The following ARHGAP25 variants were observed in gnomAD, a reference collection of about 807,000 sequenced individuals.
The protein encoded by ARHGAP25 is Rho GTPase activating protein 25.
ARHGAP25 carries 34 observed loss-of-function variants against 71.0 expected under a neutral mutation model. The observed-to-expected ratio is 0.48, with a 90% CI of 0.36 to 0.64. The LOEUF (loss-of-function observed/expected upper bound fraction) is 0.64. ARHGAP25 is among the 30% of genes least tolerant of loss of function. The pLI is 0.00. For missense variants in ARHGAP25, 706 were observed against 805.1 expected, an observed-to-expected ratio of 0.88 and a Z score of 1.49; for synonymous variants, 282 against 296.5, an observed-to-expected ratio of 0.95 and a Z score of 0.50.
rs1358298891 is a variant in ARHGAP25, at chr2:68,775,223, C to T, written c.64C>T (p.Arg22Trp). 1.2e-6 allele frequency: 2 copies of T among 1,614,252 alleles called. No homozygotes were observed. The highest frequency in any genetic ancestry group is 1.7e-6 in the Non-Finnish European group (2 of 1,180,046). ...NLKVEAAKIA[R>W]SRSVMTGEQM... ...GGCCTGTCTGTTCCTCTCTATAGCT[C>T]GGTCAAGGAGTGTGATGACTGGCGA... Residue 22 changes from arginine to tryptophan, a missense_variant and splice_region_variant, in exon 2 of 11, where the codon CGG becomes TGG. Transcript: ENST00000409202.
chr2:68,760,459 C>T (rs1294026110), intron 1 of ARHGAP25, among the ~76,000 whole-genome samples: 1 of 151,966 alleles, frequency 6.6e-6, no homozygotes, highest in East Asian at 1.9e-4. Flanking sequence ...GACCAAAAAG[C>T]TGTTAGAACT....
chr2:68,771,768 A>G (rs1356086803), intron 1 of ARHGAP25, among the ~76,000 whole-genome samples: 1 of 152,228 alleles, frequency 6.6e-6, no homozygotes, highest in Non-Finnish European at 1.5e-5. Context: ...TCTCTAACTT[A>G]TAACAGGTGG....
intron 5 of ARHGAP25, among the ~76,000 whole-genome samples, chr2:68,811,182 T>A (rs1408772269): frequency 1.3e-5 from 2 of 152,012 alleles, no homozygotes; most frequent in Non-Finnish European, 2.9e-5. Context: ...AGGCATAGGG[T>A]AGTGAAAGGA....
upstream of ARHGAP25, among the ~76,000 whole-genome samples, chr2:68,733,066 G>C: frequency 6.6e-6 from 1 of 152,226 alleles, no homozygotes; most frequent in East Asian, 1.9e-4. Flanking sequence ...GATGGAAAAA[G>C]AGTCCAGTCG....
intron 1 of ARHGAP25, among the ~76,000 whole-genome samples, chr2:68,764,833 T>G (rs12713662): frequency 0.85 from 128,971 of 152,156 alleles, 54,901 homozygotes; most frequent in African/African-American, 0.9. Context: ...CTTTCTTCAG[T>G]TTAGCCTTGC....
At chr2:68,810,066 C>T (rs1412682253) in intron 5 of ARHGAP25, among the ~76,000 whole-genome samples, 1 of 151,488 alleles carries the variant, frequency 6.6e-6, no homozygotes, top group Non-Finnish European at 1.5e-5. Flanking sequence ...TGGGTAATCC[C>T]TAGTGCATCA....
chr2:68,815,493 C>G lies in ARHGAP25; in HGVS notation c.808-796C>G, dbSNP rs139863429. Among the ~76,000 whole-genome samples, 360 of 136,640 alleles carry G rather than the reference C, an allele frequency of 2.6e-3. 1 individual carries two copies. The highest frequency in any genetic ancestry group is 9.3e-3 in the African/African-American group (337 of 36,330). The allele number at this position is 136,640 out of a possible 152,430, so 89.6% of individuals were successfully genotyped here. A position where few individuals can be genotyped will look rare whatever the true frequency, so the allele number is the denominator to read the frequency against. ...TGAGATGGAGTTTGGCTCTTTCGCC[C>G]AGGCTGGAGTGCAGTGGCGCGATCT... On this transcript the variant is annotated intron_variant, in intron 6 of 10. Coordinates refer to ENST00000409202, the MANE Select transcript of ARHGAP25 (RefSeq NM_001007231.3).
intron 1 of ARHGAP25, among the ~76,000 whole-genome samples, chr2:68,762,286 GAA>G (rs1319278518): frequency 1.3e-5 from 2 of 152,138 alleles, no homozygotes; most frequent in African/African-American, 4.8e-5. Context: ...TTTTCAAGAT[GAA>G]AAGAGTTCTG....
In ARHGAP25 at chr2:68,714,518, C is replaced by T. The variant is rs564648980; in HGVS notation, c.-18+3820C>T. On this transcript the variant is annotated intron_variant and NMD_transcript_variant, in intron 2 of 7. Transcript: ENST00000463483. Reference sequence around the variant, plus strand: ...TCTGATCTTAGTTATTTCTTGTCTTCTGCTAGCTTTTGAATGCGTTTGCTC... The same window carrying T: ...TCTGATCTTAGTTATTTCTTGTCTTTTGCTAGCTTTTGAATGCGTTTGCTC... 3.3e-5 allele frequency among the ~76,000 whole-genome samples: 5 copies of T among 152,316 alleles called. No individual in the cohort carries two copies. The South Asian group carries it at 1.0e-3, about 32-fold the overall frequency.
At chr2:68,757,924 A>C (rs1304498895) in intron 1 of ARHGAP25, among the ~76,000 whole-genome samples, 1 of 152,092 alleles carries the variant, frequency 6.6e-6, no homozygotes, top group African/African-American at 2.4e-5. Flanking sequence ...AAAAATTATT[A>C]GTATATAAAG....
chr2:68,757,900 A>C (rs1237736958), intron 1 of ARHGAP25, among the ~76,000 whole-genome samples: 1 of 152,086 alleles, frequency 6.6e-6, no homozygotes, highest in Non-Finnish European at 1.5e-5. Context: ...TTTCTACACA[A>C]TTGTGGAGAC....
chr2:68,710,724 G>A (rs974568338), intron 2 of ARHGAP25: 1 of 152,174 alleles, frequency 6.6e-6, no homozygotes, highest in Non-Finnish European at 1.5e-5. Context: ...TTCTCAGAAG[G>A]TCAGAGTCCT....
In ARHGAP25 at chr2:68,807,471, C is replaced by T. The variant is rs1680456794; in HGVS notation, c.665C>T (p.Ser222Phe). The change falls in exon 5 of 11, where the codon TCC becomes TTC. Residue 222 changes from serine (S) to phenylalanine (F), a missense_variant. Ser to Phe is a radical substitution (Grantham distance 155). Coordinates refer to ENST00000409202, the MANE Select transcript of ARHGAP25 (RefSeq NM_001007231.3). ...GCTTTTGATGCTGGGGAGCGGCCCT[C>T]CTTTGACAGGTACATTGCCCCACTG... The part of the protein sequence containing the change: ...RDAFDAGERP[S>F]FDRDTDVHTV... The T allele has an allele frequency of 1.2e-6, 2 of 1,614,104 alleles. No homozygotes were observed. The highest frequency in any genetic ancestry group is 1.7e-6 in the Non-Finnish European group (2 of 1,180,002).
At chr2:68,783,790 A>G (rs1158555447) in intron 3 of ARHGAP25, among the ~76,000 whole-genome samples, 1 of 151,950 alleles carries the variant, frequency 6.6e-6, no homozygotes, top group Non-Finnish European at 1.5e-5. Context: ...TGAAGGTCTA[A>G]CTTCCTCTCT....
At chr2:68,748,620 A>G (rs1675974268) in intron 1 of ARHGAP25, among the ~76,000 whole-genome samples, 1 of 151,538 alleles carries the variant, frequency 6.6e-6, no homozygotes, top group Non-Finnish European at 1.5e-5. Flanking sequence ...GTAAGTTAAA[A>G]TGAGTCCAAA....
At chr2:68,734,332 G>T (rs1675105849), upstream of ARHGAP25, among the ~76,000 whole-genome samples, 1 of 152,172 alleles carries the variant, frequency 6.6e-6, no homozygotes, top group African/African-American at 2.4e-5. Context: ...TGTGTACAAT[G>T]CCAAAGAACC....
At chr2:68,811,644 G>T (rs751727314) in intron 5 of ARHGAP25, among the ~76,000 whole-genome samples, 1 of 27,978 alleles carries the variant, frequency 3.6e-5, no homozygotes, top group Non-Finnish European at 7.7e-5. Context: ...AGGCTGCAAA[G>T]GGGAAGCCTT....
At chr2:68,760,094 T>C (rs1420295105) in intron 1 of ARHGAP25, among the ~76,000 whole-genome samples, 3 of 152,080 alleles carry the variant, frequency 2.0e-5, no homozygotes, top group Non-Finnish European at 4.4e-5. Flanking sequence ...GAAAAACATA[T>C]GATCATCTCA....
intron 1 of ARHGAP25, among the ~76,000 whole-genome samples, chr2:68,754,173 A>G (rs1676346506): frequency 6.6e-6 from 1 of 152,200 alleles, no homozygotes; most frequent in South Asian, 2.1e-4. Context: ...TGTTAAATAC[A>G]TACAGCCACG....
Sources: gnomAD v4.1 joint callset for allele counts (sites outside exome capture counted in the v4.1 genomes callset) on GRCh38, gnomAD v4.1.1 for gene constraint, MANE v1.5 for transcripts, NCBI Gene and HGNC (gene_info 2026-07-23, HGNC 2026-07-21) for gene names.